The following KCNMB2 variants were observed in gnomAD, a reference collection of about 807,000 sequenced individuals.
KCNMB2 encodes the protein calcium-activated potassium channel subunit beta-2.
In KCNMB2, 9 loss-of-function variants were observed where a neutral mutation model predicts 24.5. That is an observed-to-expected ratio of 0.37 (90% confidence interval 0.22 to 0.64). The LOEUF (loss-of-function observed/expected upper bound fraction) is 0.64. Ranked by LOEUF, KCNMB2 falls within the 30% of genes least tolerant of loss-of-function variation. The pLI is 0.63. For synonymous variants in KCNMB2, 109 were observed against 104.4 expected (o/e 1.04, Z -0.27); for missense variants, 226 against 284.3 (o/e 0.79, Z 1.47).
intron 1 of KCNMB2, among the ~76,000 whole-genome samples, chr3:178,784,137 A>G (rs1362485495): frequency 1.3e-5 from 2 of 152,216 alleles, no homozygotes; most frequent in Non-Finnish European, 2.9e-5. Context: ...TCTTGACAGC[A>G]GATGTTGGAC....
chr3:178,588,652 T>C lies in KCNMB2; in HGVS notation c.-68+51941T>C, dbSNP rs114411044. Among the ~76,000 whole-genome samples, 782 of 152,282 alleles carry C rather than the reference T, an allele frequency of 5.1e-3. 3 individuals carry two copies. Among genetic ancestry groups the C allele is most frequent in the Non-Finnish European group, 9.6e-3 (656 of 68,022 alleles). ...ATATTCATAATATCATATGTATATA[T>C]GAGTGGATATCACATATTGTATATA... On this transcript the variant is annotated intron_variant, in intron 1 of 4. Coordinates refer to ENST00000452583, the MANE Select transcript of KCNMB2 (RefSeq NM_181361.3).
chr3:178,617,946 GA>G (rs1190442363), intron 1 of KCNMB2, among the ~76,000 whole-genome samples: 1 of 141,110 alleles, frequency 7.1e-6, no homozygotes, highest in East Asian at 2.1e-4. Context: ...TTCACATTAA[GA>G]AAACACATTT....
intron 1 of KCNMB2, among the ~76,000 whole-genome samples, chr3:178,792,048 G>A (rs944707369): frequency 2.0e-5 from 3 of 151,986 alleles, no homozygotes; most frequent in Non-Finnish European, 2.9e-5. Context: ...TCATCTCAAG[G>A]TACAAAATCC....
At chr3:178,794,163 G>C (rs1007127322) in intron 1 of KCNMB2, among the ~76,000 whole-genome samples, 2 of 152,114 alleles carry the variant, frequency 1.3e-5, no homozygotes, top group Non-Finnish European at 2.9e-5. Context: ...CCAACAACAG[G>C]CATGACAAGA....
chr3:178,556,496 C>A (rs1189522315), intron 1 of KCNMB2, among the ~76,000 whole-genome samples: 1 of 152,174 alleles, frequency 6.6e-6, no homozygotes, highest in Non-Finnish European at 1.5e-5. Flanking sequence ...CCTCCGCCTT[C>A]CGGTTTCAAG....
intron 1 of KCNMB2, among the ~76,000 whole-genome samples, chr3:178,617,085 G>T (rs1013461693): frequency 6.6e-6 from 1 of 152,026 alleles, no homozygotes; most frequent in African/African-American, 2.4e-5. Flanking sequence ...GATTTTTGTT[G>T]CGTGTGTTTT....
chr3:178,650,726 T>G (rs763791381), intron 1 of KCNMB2, among the ~76,000 whole-genome samples: 1 of 152,178 alleles, frequency 6.6e-6, no homozygotes, highest in Non-Finnish European at 1.5e-5. Context: ...CACGTTGCTT[T>G]CATCCATAGG....
chr3:178,704,794 A>G (rs935201096), intron 1 of KCNMB2, among the ~76,000 whole-genome samples: 1 of 152,188 alleles, frequency 6.6e-6, no homozygotes, highest in Non-Finnish European at 1.5e-5. Context: ...TTCTTGCATC[A>G]TGCTCATTCC....
rs1715468476 is a variant in KCNMB2, at chr3:178,842,701, C to T, written c.472C>T (p.Leu158=). 2 of 1,613,074 alleles carry T rather than the reference C, an allele frequency of 1.2e-6. No homozygotes were observed. The highest frequency in any genetic ancestry group is 8.5e-7 in the Non-Finnish European group (1 of 1,179,028). ...AAAAAATTTTGAAGAATCCATGTCC[C>T]TGGTGAATGTTGTCATGGAAAACTT... ...CGKNFEESMS[L]VNVVMENFRK... is the part of the protein sequence containing the mutation. The change falls in exon 5 of 5, where the codon CTG becomes TTG. Residue 158 remains leucine (L), a synonymous_variant. Transcript: ENST00000452583.
chr3:178,647,133 C>A (rs6789584), intron 1 of KCNMB2, among the ~76,000 whole-genome samples: 1 of 152,020 alleles, frequency 6.6e-6, no homozygotes, highest in Non-Finnish European at 1.5e-5. Context: ...CTGGTTTGCA[C>A]GTCTGCTAAT....
chr3:178,728,369 C>T (rs995135814), intron 1 of KCNMB2, among the ~76,000 whole-genome samples: 1 of 152,074 alleles, frequency 6.6e-6, no homozygotes, highest in African/African-American at 2.4e-5. Context: ...TTTTGGGAAA[C>T]ATGATGGGCC....
At chr3:178,596,407 A>G (rs574756922) in intron 1 of KCNMB2, among the ~76,000 whole-genome samples, 20 of 152,258 alleles carry the variant, frequency 1.3e-4, no homozygotes, top group African/African-American at 4.6e-4. Flanking sequence ...AACTCAGAAA[A>G]ACTAAAACAT....
chr3:178,728,987 G>A (rs1723054578), intron 1 of KCNMB2, among the ~76,000 whole-genome samples: 1 of 152,068 alleles, frequency 6.6e-6, no homozygotes, highest in South Asian at 2.1e-4. Flanking sequence ...TTAGGAGAAA[G>A]GTCTGTGTGT....
Position 178,688,742 on chromosome 3 carries a change from C to T in KCNMB2, c.-67-118601C>T, listed in dbSNP as rs9290661. ...TCAAATTTAAAGTTTTTGTGAACTTCGTATTTATTTATATTTGCATAGGCT... is the reference window on the plus strand; with the variant it reads ...TCAAATTTAAAGTTTTTGTGAACTTTGTATTTATTTATATTTGCATAGGCT... On this transcript the variant is annotated intron_variant, in intron 1 of 4. Coordinates refer to ENST00000452583, the MANE Select transcript of KCNMB2 (RefSeq NM_181361.3). Among the ~76,000 whole-genome samples, 776 of 151,886 alleles carry T rather than the reference C, an allele frequency of 5.1e-3. 1 individual carries two copies. The highest frequency in any genetic ancestry group is 0.018 in the African/African-American group (736 of 41,410).
At chr3:178,822,771 T>C (rs569075111) in intron 2 of KCNMB2, among the ~76,000 whole-genome samples, 1 of 152,326 alleles carries the variant, frequency 6.6e-6, no homozygotes, top group East Asian at 1.9e-4. Context: ...TTTCAAATTG[T>C]GATTTGTTTT....
chr3:178,544,858 C>A (rs926718768), intron 1 of KCNMB2, among the ~76,000 whole-genome samples: 1 of 152,164 alleles, frequency 6.6e-6, no homozygotes, highest in Non-Finnish European at 1.5e-5. Flanking sequence ...TTGAAAGCAG[C>A]AACGATGTTT....
At chr3:178,672,845 T>C (rs1222852853) in intron 1 of KCNMB2, among the ~76,000 whole-genome samples, 3 of 152,192 alleles carry the variant, frequency 2.0e-5, no homozygotes, top group Admixed American at 2.0e-4. Context: ...TCCATCTTCC[T>C]ATCTCAGCCA....
intron 3 of KCNMB2, among the ~76,000 whole-genome samples, chr3:178,827,130 C>T (rs1245244191): frequency 3.9e-5 from 6 of 152,214 alleles, no homozygotes; most frequent in African/African-American, 1.2e-4. Flanking sequence ...GCAAAGAAAA[C>T]ATGTTTTCCC....
chr3:178,728,743 C>T (rs552350194), intron 1 of KCNMB2, among the ~76,000 whole-genome samples: 61 of 152,102 alleles, frequency 4.0e-4, no homozygotes, highest in Non-Finnish European at 8.1e-4. Context: ...TCAAAATGAG[C>T]TTTTCTATGG....
Sources: allele counts gnomAD v4.1 joint callset (sites outside exome capture counted in the v4.1 genomes callset), GRCh38; gene constraint gnomAD v4.1.1; transcripts MANE v1.5; gene names NCBI Gene and HGNC (gene_info 2026-07-23, HGNC 2026-07-21).